AIM2: variants seen among roughly 807,000 people sequenced by gnomAD.
AIM2 encodes absent in melanoma 2, also known as interferon-inducible protein AIM2.
AIM2 carries 30 observed loss-of-function variants against 27.7 expected under a neutral mutation model. The observed-to-expected ratio is 1.08, with a 90% CI of 0.81 to 1.47. The LOEUF is 1.47. Ranked by LOEUF, AIM2 falls within the 40% of genes most tolerant of loss-of-function variation. The pLI, the probability that AIM2 is intolerant of heterozygous loss-of-function variation, is 0.00. For synonymous variants in AIM2, 141 were observed against 145.3 expected (o/e 0.97, Z 0.21); for missense variants, 358 against 411.3 (o/e 0.87, Z 1.12).
chr1:159,130,277 C>T (rs1180562553), intron 1 of AIM2, among the ~76,000 whole-genome samples: 1 of 152,172 alleles, frequency 6.6e-6, no homozygotes, highest in African/African-American at 2.4e-5. Flanking sequence ...GAGATATTGA[C>T]CACTCCCAAG....
chr1:159,073,380 T>C lies in AIM2; in HGVS notation c.120A>G (p.Leu40=), dbSNP rs748229238. 5 of 1,614,228 alleles carry C rather than the reference T, an allele frequency of 3.1e-6. No individual in the cohort carries two copies. Among genetic ancestry groups the C allele is most frequent in the Non-Finnish European group, 4.2e-6 (5 of 1,180,038 alleles). Residue 40 remains leucine, a synonymous_variant, in exon 2 of 6, where the codon CTA becomes CTG. Coordinates refer to ENST00000368130, the MANE Select transcript of AIM2 (RefSeq NM_004833.3). ...SDEFNIATGK[L]HTANRIQVAT... is the part of the protein sequence containing the mutation. ...CTACTTGTATTCTGTTTGCAGTATG[T>C]AGTTTGCCTGTGGCAATATTAAACT...
chr1:159,080,295 A>G (rs112626975), upstream of AIM2, among the ~76,000 whole-genome samples: 166 of 152,340 alleles, frequency 1.1e-3, no homozygotes, highest in South Asian at 3.3e-3. Context: ...TTTGGTCAAT[A>G]AATGTTTATG....
intron 1 of AIM2, among the ~76,000 whole-genome samples, chr1:159,101,142 G>A (rs983501146): frequency 6.6e-6 from 1 of 152,170 alleles, no homozygotes; most frequent in South Asian, 2.1e-4. Flanking sequence ...ACGTGTTGTA[G>A]GAGGGACCTG....
At chr1:159,089,391 C>T (rs1656996874) in intron 1 of AIM2, among the ~76,000 whole-genome samples, 1 of 152,274 alleles carries the variant, frequency 6.6e-6, no homozygotes, top group African/African-American at 2.4e-5. Context: ...ACACTGCCTC[C>T]TGGTGGCAAG....
intron 1 of AIM2, among the ~76,000 whole-genome samples, chr1:159,121,941 A>G (rs570093983): frequency 6.6e-6 from 1 of 152,178 alleles, no homozygotes; most frequent in Non-Finnish European, 1.5e-5. Flanking sequence ...TCAAACAGAA[A>G]AATAAAATAA....
chr1:159,141,601 G>A (rs114090963), upstream of AIM2, among the ~76,000 whole-genome samples: 396 of 152,232 alleles, frequency 2.6e-3, no homozygotes, highest in Non-Finnish European at 4.6e-3. Flanking sequence ...AGAGGCACCT[G>A]CCAGGTGACC....
chr1:159,128,643 C>G (rs1022547274), intron 1 of AIM2, among the ~76,000 whole-genome samples: 2 of 152,112 alleles, frequency 1.3e-5, no homozygotes, highest in African/African-American at 4.8e-5. Context: ...TCCCACACCC[C>G]CTCTTTCCAG....
intron 2 of AIM2, among the ~76,000 whole-genome samples, chr1:159,072,509 C>T (rs1656404168): frequency 6.6e-6 from 1 of 152,102 alleles, no homozygotes; most frequent in South Asian, 2.1e-4. Context: ...CCTTTTTGTT[C>T]TTCAGACATA....
At chr1:159,056,387 C>T in the AIM2 span, among the ~76,000 whole-genome samples, 1 of 152,070 alleles carries the variant, frequency 6.6e-6, no homozygotes, top group Non-Finnish European at 1.5e-5. Context: ...CTCATTGCCC[C>T]CTCTAAAGAA....
chr1:159,094,906 A>G (rs1657137743), intron 1 of AIM2, among the ~76,000 whole-genome samples: 1 of 152,192 alleles, frequency 6.6e-6, no homozygotes, highest in South Asian at 2.1e-4. Context: ...TAGGCTGCTT[A>G]TGCGAAAAAG....
chr1:159,073,541 T>A (rs1402454492), intron 1 of AIM2, 22 bp from the exon 2 acceptor site: 2 of 1,583,256 alleles, frequency 1.3e-6, no homozygotes, highest in Non-Finnish European at 8.6e-7. Flanking sequence ...CCAAAACATG[T>A]AAGATTACAC....
intron 1 of AIM2, among the ~76,000 whole-genome samples, chr1:159,075,607 TATATAGAG>T (rs1570949267): frequency 4.7e-5 from 7 of 149,730 alleles, no homozygotes; most frequent in East Asian, 3.9e-4. Context: ...TATATATATA[TATATAGAG>T]AGAGAGAGAG....
intron 1 of AIM2, among the ~76,000 whole-genome samples, chr1:159,097,962 A>C (rs1172780214): frequency 6.6e-6 from 1 of 152,150 alleles, no homozygotes; most frequent in African/African-American, 2.4e-5. Flanking sequence ...ACCTCCAGAG[A>C]ATTTATGAAA....
At chr1:159,080,024 T>A (rs1010369125), upstream of AIM2, among the ~76,000 whole-genome samples, 4 of 152,224 alleles carry the variant, frequency 2.6e-5, no homozygotes, top group Non-Finnish European at 5.9e-5. Flanking sequence ...ATGGCTCATT[T>A]CTTTTTAGCA....
Position 159,127,311 on chromosome 1 carries a change from C to T in AIM2, c.-16+13120G>A, listed in dbSNP as rs529559466. Among the ~76,000 whole-genome samples, 15 of 152,210 alleles carry T rather than the reference C, an allele frequency of 9.9e-5. No homozygotes were observed. The South Asian group carries it at 3.1e-3, about 32-fold the overall frequency. On this transcript the variant is annotated intron_variant, in intron 1 of 2. Transcript: ENST00000368129. ...TTTCACAATAAAAAATTAATGTAACCCAAATGTGCACGGGGCCCTTAGGGT... is the reference window on the plus strand; with the variant it reads ...TTTCACAATAAAAAATTAATGTAACTCAAATGTGCACGGGGCCCTTAGGGT...
chr1:159,063,452 T>A, intron 5 of AIM2, 34 bp downstream of exon 5: 2 of 1,584,516 alleles, frequency 1.3e-6, no homozygotes, highest in Non-Finnish European at 1.7e-6. Flanking sequence ...TATCACCCCC[T>A]TGGAGAGTTG....
intron 2 of AIM2, 145 bp from the exon 3 acceptor site, chr1:159,068,846 T>A (rs1656232370): frequency 1.1e-6 from 1 of 940,582 alleles, no homozygotes; most frequent in Non-Finnish European, 1.5e-6. Context: ...AATCATATTT[T>A]AAAATGAAAG....
chr1:159,072,299 A>C (rs907775514), intron 2 of AIM2, among the ~76,000 whole-genome samples: 2 of 152,248 alleles, frequency 1.3e-5, no homozygotes, highest in African/African-American at 4.8e-5. Flanking sequence ...ATGAATGTAC[A>C]TAGTATCACT....
At chr1:159,082,929 A>G (rs936075787) in intron 1 of AIM2, among the ~76,000 whole-genome samples, 1 of 152,208 alleles carries the variant, frequency 6.6e-6, no homozygotes, top group Non-Finnish European at 1.5e-5. Flanking sequence ...TTCCTAAGGA[A>G]AAAGTGTGTG....
Sources: allele counts gnomAD v4.1 joint callset (sites outside exome capture counted in the v4.1 genomes callset), GRCh38; gene constraint gnomAD v4.1.1; transcripts MANE v1.5; gene names NCBI Gene and HGNC (gene_info 2026-07-23, HGNC 2026-07-21).